ADCY1: variants seen among roughly 807,000 people sequenced by gnomAD.
ADCY1 encodes the protein adenylate cyclase type 1.
A neutral mutation model predicts 105.4 loss-of-function variants in ADCY1; 28 were observed. The observed-to-expected ratio is 0.27, with a 90% confidence interval of 0.20 to 0.36. ADCY1 has a LOEUF of 0.36. Among genes scored for constraint, ADCY1 ranks in the 10% least tolerant of loss-of-function variants. The probability of loss-of-function intolerance (pLI) is 1.00; values close to 1 mark genes in which losing one functional copy is unlikely to be tolerated. For missense variants in ADCY1, 977 were observed against 1,434.2 expected (o/e 0.68, Z 5.15); for synonymous variants, 655 against 623.8 (o/e 1.05, Z -0.75).
At chr7:45,633,889 A>G (rs1423314277) in intron 4 of ADCY1, among the ~76,000 whole-genome samples, 1 of 152,080 alleles carries the variant, frequency 6.6e-6, no homozygotes, top group Non-Finnish European at 1.5e-5. Context: ...GCATCAACCT[A>G]AATAGATACT....
intron 14 of ADCY1, among the ~76,000 whole-genome samples, chr7:45,690,444 G>T (rs1320664460): frequency 1.3e-5 from 2 of 152,208 alleles, no homozygotes; most frequent in East Asian, 3.9e-4. Context: ...TCAGCCGGGA[G>T]ACGCAGCCAG....
intron 4 of ADCY1, among the ~76,000 whole-genome samples, chr7:45,638,632 T>C (rs1433750691): frequency 1.3e-5 from 2 of 152,152 alleles, no homozygotes; most frequent in Non-Finnish European, 2.9e-5. Flanking sequence ...TGTGCTGGTC[T>C]TGTGTGTGAG....
chr7:45,583,223 A>G (rs568278588), intron 1 of ADCY1, among the ~76,000 whole-genome samples: 1 of 152,340 alleles, frequency 6.6e-6, no homozygotes, highest in South Asian at 2.1e-4. Flanking sequence ...GTGTGCATGC[A>G]TGTGTGTTCT....
chr7:45,653,487 T>A (rs1794862778), intron 5 of ADCY1, among the ~76,000 whole-genome samples: 1 of 152,216 alleles, frequency 6.6e-6, no homozygotes, highest in African/African-American at 2.4e-5. Flanking sequence ...AGTCCCTGTG[T>A]CAATCTGAGA....
chr7:45,677,768 A>G, intron 8 of ADCY1, 101 bp from the exon 9 acceptor site: 9 of 1,316,224 alleles, frequency 6.8e-6, no homozygotes, highest in Non-Finnish European at 9.5e-6. Flanking sequence ...CCCAAACCCG[A>G]CCCCACCCTG....
At chr7:45,586,614 C>T (rs1584249215) in intron 1 of ADCY1, among the ~76,000 whole-genome samples, 1 of 152,114 alleles carries the variant, frequency 6.6e-6, no homozygotes, top group African/African-American at 2.4e-5. Context: ...TTTAAAAACC[C>T]ACTTGTGTGA....
At chr7:45,704,490 G>GT in intron 16 of ADCY1, 28 bp from the exon 17 acceptor site, 1 of 1,603,664 alleles carries the variant, frequency 6.2e-7, no homozygotes. Flanking sequence ...GTTATGTCAT[G>GT]TTTAACAGTT....
At position 45,595,154 on chromosome 7, in the gene ADCY1, C is replaced by G. The variant is rs183127235; in HGVS notation, c.789+2246C>G. On this transcript the variant is annotated intron_variant, in intron 2 of 19. Transcript: ENST00000297323. Reference sequence around the variant, plus strand: ...CTTTCCCAAGTTTCTGAGGTATTTTCCCAAACTTGTGCTCTTTTACATCTT... The same window carrying G: ...CTTTCCCAAGTTTCTGAGGTATTTTGCCAAACTTGTGCTCTTTTACATCTT... 1.6e-3 allele frequency among the ~76,000 whole-genome samples: 242 copies of G among 152,244 alleles called. 1 individual carries two copies. The highest frequency in any genetic ancestry group is 5.5e-3 in the African/African-American group (230 of 41,530).
chr7:45,713,840 G>A lies in ADCY1; in HGVS notation c.3205G>A (p.Gly1069Ser). 1.3e-6 allele frequency: 1 copy of A among 780,902 alleles called. No homozygotes were observed. Among genetic ancestry groups the A allele is most frequent in the Non-Finnish European group, 2.4e-6 (1 of 418,148 alleles). The allele number at this position is 780,902 out of a possible 1,614,324, so 48.4% of individuals were successfully genotyped here. A position where few individuals can be genotyped will look rare whatever the true frequency, so the allele number is the denominator to read the frequency against. The change falls in exon 20 of 20, where the codon GGC becomes AGC. Residue 1069 changes from glycine (G) to serine (S), a missense_variant. Gly to Ser is a moderately conservative substitution (Grantham distance 56, BLOSUM62 0). Around this residue, in one of 7 missense-constraint regions of ADCY1, gnomAD observed 78 missense variants for 60.0 expected, o/e 1.30. Coordinates refer to ENST00000297323, the MANE Select transcript of ADCY1 (RefSeq NM_021116.4). ...AAACGGCTCCCAAATCAGGTCCCTG[G>A]GCTTGGATCGGAAAATGTGTCCATT... ...DGNGSQIRSL[G>S]LDRKMCPFGR...
rs1225779519 is a variant in ADCY1 at position 45,717,387 on chromosome 7, A to T, written c.*3392A>T. The T allele has an allele frequency of 1.3e-5, 2 of 152,624 alleles. No homozygotes were observed. The highest frequency in any genetic ancestry group is 2.9e-5 in the Non-Finnish European group (2 of 68,040). The allele number at this position is 152,624 out of a possible 1,614,324, so 9.5% of individuals were successfully genotyped here. ...CCATAATGTCCCTTGGGGTTTGGTG[A>T]AAAACAACTTCCTTTTTATTTGTGG... On this transcript the variant is annotated 3_prime_UTR_variant, in exon 20 of 20. Coordinates refer to ENST00000297323, the MANE Select transcript of ADCY1 (RefSeq NM_021116.4).
chr7:45,709,697 T>C (rs1422708167), intron 18 of ADCY1, among the ~76,000 whole-genome samples: 6 of 152,116 alleles, frequency 3.9e-5, no homozygotes, highest in African/African-American at 9.7e-5. Context: ...AAGGGGAAGA[T>C]AGGAAGTGGC....
intron 1 of ADCY1, among the ~76,000 whole-genome samples, chr7:45,583,947 T>TTG (rs1245038670): frequency 0.027 from 3,800 of 140,230 alleles, 177 homozygotes; most frequent in Non-Finnish European, 0.04. Context: ...GTTTTTTTTT[T>TTG]TTTTTTTTTT....
chr7:45,644,343 G>T (rs368802624), intron 4 of ADCY1, among the ~76,000 whole-genome samples: 1 of 152,122 alleles, frequency 6.6e-6, no homozygotes, highest in Admixed American at 6.5e-5. Context: ...CTTCTGGGAC[G>T]GGTCCTGGGG....
intron 1 of ADCY1, among the ~76,000 whole-genome samples, chr7:45,580,253 G>T (rs571193077): frequency 6.6e-6 from 1 of 152,314 alleles, no homozygotes; most frequent in Admixed American, 6.5e-5. Flanking sequence ...GCCCAGCAGG[G>T]GCTGCACTGT....
At position 45,574,806 on chromosome 7, in the gene ADCY1, C is replaced by T. The variant is rs770682134; in HGVS notation, c.263C>T (p.Pro88Leu). The T allele has an allele frequency of 1.6e-5, 26 of 1,588,156 alleles. No homozygotes were observed. In the Admixed American group the frequency reaches 3.4e-4, roughly 21 times the overall value. The change falls in exon 1 of 20, where the codon CCC becomes CTC. Residue 88 changes from proline to leucine, a missense_variant. Physicochemically the swap from Pro to Leu is moderately conservative, Grantham distance 98. Around this residue, in one of 7 missense-constraint regions of ADCY1, gnomAD observed 209 missense variants for 222.5 expected, o/e 0.94. Transcript: ENST00000297323. This position sits in a 1 kb window ranked among gnomAD's most constrained non-coding sequence, Gnocchi z 7.0. Reference sequence around the variant, plus strand: ...CTGCTGGGCGCGCCGGGGCCCGCGCCCGGCCTGGCCAAGGGCTCACACCCG... The same window carrying T: ...CTGCTGGGCGCGCCGGGGCCCGCGCTCGGCCTGGCCAAGGGCTCACACCCG... ...AELLGAPGPA[P>L]GLAKGSHPVH...
intron 5 of ADCY1, among the ~76,000 whole-genome samples, chr7:45,654,106 T>C (rs1027449054): frequency 5.9e-5 from 9 of 152,246 alleles, no homozygotes; most frequent in African/African-American, 2.2e-4. Context: ...TAGCAGCCGC[T>C]GCAAGTATTG....
intron 3 of ADCY1, among the ~76,000 whole-genome samples, chr7:45,612,116 T>G (rs1475608462): frequency 1.3e-5 from 2 of 152,192 alleles, no homozygotes; most frequent in Non-Finnish European, 2.9e-5. Context: ...ATTGTCATGC[T>G]ATTAAGTAAG....
At chr7:45,634,583 A>G (rs1478649610) in intron 4 of ADCY1, among the ~76,000 whole-genome samples, 1 of 152,176 alleles carries the variant, frequency 6.6e-6, no homozygotes, top group African/African-American at 2.4e-5. Context: ...TTCCTTGGAC[A>G]AGCCCTACTT....
At chr7:45,644,836 A>T (rs191452265) in intron 4 of ADCY1, among the ~76,000 whole-genome samples, 1 of 152,232 alleles carries the variant, frequency 6.6e-6, no homozygotes, top group Non-Finnish European at 1.5e-5. Flanking sequence ...AACAAAAGCC[A>T]GGGCCTCTGA....
Sources: gnomAD v4.1 joint callset for allele counts (sites outside exome capture counted in the v4.1 genomes callset) on GRCh38, gnomAD v4.1.1 for gene constraint, gnomAD v4.1.1 regional missense constraint, Gnocchi (gnomAD v3.1) non-coding constraint, MANE v1.5 for transcripts, NCBI Gene and HGNC (gene_info 2026-07-23, HGNC 2026-07-21) for gene names.